The following LARS2 variants were observed in gnomAD, a reference collection of about 807,000 sequenced individuals.
LARS2 encodes leucyl-tRNA synthetase 2, mitochondrial.
In LARS2, 81 loss-of-function variants were observed where a neutral mutation model predicts 116.6. That is an observed-to-expected ratio of 0.69 (90% CI 0.58 to 0.84). LARS2 has a LOEUF of 0.84. Among genes scored for constraint, LARS2 ranks in the 40% least tolerant of loss-of-function variants. LARS2 has a pLI of 0.00. For synonymous variants in LARS2, 396 were observed against 407.2 expected, an observed-to-expected ratio of 0.97 and a Z score of 0.33; for missense variants, 968 against 1,114.5, an observed-to-expected ratio of 0.87 and a Z score of 1.87.
chr3:45,453,165 T>G (rs1383828681), intron 7 of LARS2, among the ~76,000 whole-genome samples: 1 of 152,150 alleles, frequency 6.6e-6, no homozygotes, highest in African/African-American at 2.4e-5. Flanking sequence ...TCAATTTCAT[T>G]TATTTCTACT....
intron 6 of LARS2, among the ~76,000 whole-genome samples, chr3:45,419,932 T>G (rs944012141): frequency 4.6e-5 from 7 of 152,230 alleles, no homozygotes; most frequent in African/African-American, 1.7e-4. Flanking sequence ...AACTGAGAGT[T>G]AACTTCCTAT....
At chr3:45,514,632 C>G (rs1198502573) in intron 16 of LARS2, among the ~76,000 whole-genome samples, 1 of 152,208 alleles carries the variant, frequency 6.6e-6, no homozygotes, top group Non-Finnish European at 1.5e-5. Context: ...ACAAAAGAAC[C>G]AAGCCAAGGC....
In LARS2 at chr3:45,493,021, T is replaced by C. The variant is rs146003824; in HGVS notation, c.1523+1221T>C. Among the ~76,000 whole-genome samples the C allele has an allele frequency of 1.1e-3, 174 of 152,246 alleles. 1 individual carries two copies. The highest frequency in any genetic ancestry group is 2.1e-3 in the Non-Finnish European group (143 of 68,014). On this transcript the variant is annotated intron_variant, in intron 13 of 21. Transcript: ENST00000645846. ...AGCACAGCAGTTGTGGCCTTATTGA[T>C]GAGGATAAGGTTTCCTGCTTGGCTG...
At chr3:45,537,497 A>T (rs890059927) in intron 20 of LARS2, among the ~76,000 whole-genome samples, 6 of 152,248 alleles carry the variant, frequency 3.9e-5, no homozygotes, top group African/African-American at 2.4e-5. Context: ...GGAGAATAAG[A>T]TACCCACTGA....
intron 7 of LARS2, among the ~76,000 whole-genome samples, chr3:45,447,551 C>T (rs147735495): frequency 1.4e-5 from 2 of 143,350 alleles, no homozygotes; most frequent in African/African-American, 4.9e-5. Context: ...GTGTGTGTGT[C>T]ATACGGTCAC....
At chr3:45,528,026 T>G (rs1700556525) in intron 20 of LARS2, among the ~76,000 whole-genome samples, 1 of 152,186 alleles carries the variant, frequency 6.6e-6, no homozygotes, top group African/African-American at 2.4e-5. Context: ...CATCAGCATC[T>G]TAGCGCAGAT....
At chr3:45,403,074 C>T (rs968910846) in intron 4 of LARS2, among the ~76,000 whole-genome samples, 4 of 131,468 alleles carry the variant, frequency 3.0e-5, no homozygotes, top group African/African-American at 1.2e-4. Context: ...CATTGCACTC[C>T]AGCCTGGGCA....
At chr3:45,404,671 G>A (rs148242838) in intron 4 of LARS2, among the ~76,000 whole-genome samples, 2 of 152,274 alleles carry the variant, frequency 1.3e-5, no homozygotes, top group South Asian at 2.1e-4. Context: ...ACTAAGAACA[G>A]CATTATCTCT....
At chr3:45,536,855 C>T (rs1575320295) in intron 20 of LARS2, among the ~76,000 whole-genome samples, 1 of 152,224 alleles carries the variant, frequency 6.6e-6, no homozygotes, top group South Asian at 2.1e-4. Context: ...ATGGATGTGA[C>T]ATGTCTACCT....
At chr3:45,391,041 G>T (rs148692937) in intron 1 of LARS2, among the ~76,000 whole-genome samples, 2 of 152,206 alleles carry the variant, frequency 1.3e-5, no homozygotes, top group African/African-American at 4.8e-5. Flanking sequence ...ACATTTTCTC[G>T]TAGCTAATTG....
At chr3:45,419,773 G>C in intron 6 of LARS2, 44 bp downstream of exon 6, 1 of 1,478,568 alleles carries the variant, frequency 6.8e-7, no homozygotes, top group Non-Finnish European at 9.5e-7. Flanking sequence ...TTTAAGGAAG[G>C]ACTTGATGGC....
chr3:45,538,941 G>A (rs1009149579), intron 20 of LARS2, among the ~76,000 whole-genome samples: 3 of 152,188 alleles, frequency 2.0e-5, no homozygotes, highest in African/African-American at 7.2e-5. Context: ...CTCAATGAAG[G>A]AGGTGATGTG....
intron 4 of LARS2, among the ~76,000 whole-genome samples, chr3:45,402,525 G>A (rs901091996): frequency 3.9e-5 from 6 of 152,162 alleles, no homozygotes; most frequent in African/African-American, 1.2e-4. Flanking sequence ...AATGATATCT[G>A]CTGCCTCTCA....
At chr3:45,495,468 T>C (rs1402735825) in intron 13 of LARS2, 1 of 152,254 alleles carries the variant, frequency 6.6e-6, no homozygotes, top group Non-Finnish European at 1.5e-5. Flanking sequence ...AGTTGGTTTG[T>C]CTTCCTCGAG....
intron 4 of LARS2, among the ~76,000 whole-genome samples, chr3:45,414,653 C>T (rs1040126941): frequency 1.1e-4 from 17 of 151,732 alleles, no homozygotes; most frequent in African/African-American, 3.6e-4. Context: ...AGCTGGCAGC[C>T]AGGAGTTCGA....
chr3:45,430,571 C>T (rs796392553), intron 6 of LARS2, among the ~76,000 whole-genome samples: 76 of 142,700 alleles, frequency 5.3e-4, no homozygotes, highest in African/African-American at 1.8e-3. Flanking sequence ...TGAGCCACTG[C>T]GCCCGGCCAA....
At chr3:45,513,427 T>A (rs1476559440) in intron 16 of LARS2, among the ~76,000 whole-genome samples, 192 bp downstream of exon 16, 1 of 152,240 alleles carries the variant, frequency 6.6e-6, no homozygotes, top group Non-Finnish European at 1.5e-5. Flanking sequence ...GGACTGGCCG[T>A]CTGCTCCTCT....
chr3:45,436,172 T>C (rs982221838), intron 6 of LARS2, among the ~76,000 whole-genome samples: 1 of 152,152 alleles, frequency 6.6e-6, no homozygotes, highest in African/African-American at 2.4e-5. Context: ...ATCCGTGGAA[T>C]TGATGATTGA....
chr3:45,458,921 T>G, intron 8 of LARS2, 35 bp downstream of exon 8: 1 of 1,610,364 alleles, frequency 6.2e-7, no homozygotes, highest in Non-Finnish European at 8.5e-7. Flanking sequence ...CACTAATGCC[T>G]TACATGCTGG....
Sources: allele counts gnomAD v4.1 joint callset (sites outside exome capture counted in the v4.1 genomes callset), GRCh38; gene constraint gnomAD v4.1.1; transcripts MANE v1.5; gene names NCBI Gene and HGNC (gene_info 2026-07-23, HGNC 2026-07-21).